UBN2: variants seen among roughly 807,000 people sequenced by gnomAD.
UBN2 encodes the protein ubinuclein 2.
A neutral mutation model predicts 120.2 loss-of-function variants in UBN2; 35 were observed. The ratio of observed to expected loss-of-function variants is 0.29; its 90% CI spans 0.22 to 0.39. UBN2 has a LOEUF of 0.39. Among genes scored for constraint, UBN2 ranks in the 10% least tolerant of loss-of-function variants. The probability of loss-of-function intolerance (pLI) is 1.00; values close to 1 mark genes in which losing one functional copy is unlikely to be tolerated. For missense variants in UBN2, 1,693 were observed against 1,663.2 expected, an observed-to-expected ratio of 1.02 and a Z score of -0.31; for synonymous variants, 661 against 648.7, an observed-to-expected ratio of 1.02 and a Z score of -0.29.
chr7:139,276,382 G>T, intron 12 of UBN2: 1 of 494,538 alleles, frequency 2.0e-6, no homozygotes. Flanking sequence ...TAGTAGGGAA[G>T]CATGAAGGCT....
At position 139,272,494 on chromosome 7, in the gene UBN2, T is replaced by TTATGTATGTATGTATG. The variant is rs142378700; in HGVS notation, c.1715+86_1715+101dup. ...TTTGCATTTGAGAAGTGTATGTACG[T>TTATGTATGTATGTATG]TATGTATGTATGTATGTATGTATGT... On this transcript the variant is annotated intron_variant, in intron 9 of 17. Coordinates refer to ENST00000473989, the MANE Select transcript of UBN2 (RefSeq NM_173569.4). The TTATGTATGTATGTATG allele has an allele frequency of 3.7e-3, 4,059 of 1,105,048 alleles. 64 individuals are homozygous for TTATGTATGTATGTATG. Among genetic ancestry groups the TTATGTATGTATGTATG allele is most frequent in the African/African-American group, 0.032 (1,743 of 54,632 alleles). 68.5% of individuals were successfully genotyped at this position (1,105,048 alleles called of 1,614,324 possible). A position where few individuals can be genotyped will look rare whatever the true frequency, so the allele number is the denominator to read the frequency against.
At chr7:139,285,258 G>A (rs1797750361) in intron 15 of UBN2, among the ~76,000 whole-genome samples, 1 of 152,076 alleles carries the variant, frequency 6.6e-6, no homozygotes, top group Non-Finnish European at 1.5e-5. Context: ...TGTAATACCA[G>A]CACTTTGGGA....
At chr7:139,318,005 A>G in the UBN2 span, among the ~76,000 whole-genome samples, 2 of 151,986 alleles carry the variant, frequency 1.3e-5, no homozygotes, top group Non-Finnish European at 2.9e-5. Flanking sequence ...TTTGTCACCA[A>G]CTTCATATCA....
intron 9 of UBN2, 63 bp from the exon 10 acceptor site, chr7:139,273,219 CAGCAAGTATTTATGG>C: frequency 1.2e-6 from 1 of 843,446 alleles, no homozygotes; most frequent in South Asian, 2.5e-5. Flanking sequence ...TTAAGCAATT[CAGCAAGTATTTATGG>C]AGCATATTAT....
downstream of UBN2, among the ~76,000 whole-genome samples, chr7:139,309,763 C>T (rs551091351): frequency 8.5e-5 from 13 of 152,210 alleles, no homozygotes; most frequent in Admixed American, 7.8e-4. Context: ...CCCAGCTATT[C>T]GGGAGGCTGA....
chr7:139,328,114 T>C, the UBN2 span, among the ~76,000 whole-genome samples: 3 of 152,216 alleles, frequency 2.0e-5, no homozygotes, highest in Non-Finnish European at 4.4e-5. Context: ...AGGGCTGTAT[T>C]AGTCTATTTT....
chr7:139,328,174 A>G, the UBN2 span, among the ~76,000 whole-genome samples: 1 of 152,244 alleles, frequency 6.6e-6, no homozygotes, highest in East Asian at 1.9e-4. Flanking sequence ...TAAAGAATAG[A>G]GCTTTAATTG....
chr7:139,294,942 A>G (rs921996926), intron 17 of UBN2, among the ~76,000 whole-genome samples: 4 of 152,260 alleles, frequency 2.6e-5, no homozygotes, highest in African/African-American at 9.6e-5. Flanking sequence ...GGCAATGTGC[A>G]TAACACACTG....
At chr7:139,292,276 G>A (rs953201644) in intron 15 of UBN2, among the ~76,000 whole-genome samples, 7 of 152,112 alleles carry the variant, frequency 4.6e-5, no homozygotes, top group African/African-American at 1.7e-4. Context: ...CGGAGTTTGG[G>A]CAGGGGGAAT....
intron 15 of UBN2, among the ~76,000 whole-genome samples, chr7:139,292,417 C>T (rs1797987999): frequency 1.3e-5 from 2 of 152,248 alleles, no homozygotes; most frequent in African/African-American, 2.4e-5. Context: ...GTAAACATGG[C>T]ATCAAAGCCC....
rs376191554 is a variant in UBN2 at position 139,284,364 on chromosome 7, A to C, written c.3459A>C (p.Ser1153=). ...CCCCCTCAAAGCTAACAAACTCATC[A>C]TCCACTGGAACTGTTGGGAAGAACA... ...LQAPSKLTNS[S]STGTVGKNSL... The change falls in exon 15 of 18, where the codon TCA becomes TCC. Residue 1153 remains serine (S), a synonymous_variant. Transcript: ENST00000473989. 2 of 1,614,028 alleles carry C rather than the reference A, an allele frequency of 1.2e-6. No homozygotes were observed. Among genetic ancestry groups the C allele is most frequent in the African/African-American group, 2.7e-5 (2 of 74,902 alleles).
chr7:139,256,597 T>C (rs1796773304), intron 3 of UBN2, among the ~76,000 whole-genome samples: 1 of 152,220 alleles, frequency 6.6e-6, no homozygotes, highest in Admixed American at 6.5e-5. Flanking sequence ...TTGAAAATTA[T>C]AAAGCATTGT....
chr7:139,258,319 T>C (rs1188174181), intron 3 of UBN2, among the ~76,000 whole-genome samples, 169 bp from the exon 4 acceptor site: 1 of 152,088 alleles, frequency 6.6e-6, no homozygotes, highest in Non-Finnish European at 1.5e-5. Context: ...GAACTAATTT[T>C]TATTTCAGAT....
intron 5 of UBN2, among the ~76,000 whole-genome samples, chr7:139,259,833 C>T (rs1425856204): frequency 3.3e-5 from 5 of 152,240 alleles, no homozygotes; most frequent in Non-Finnish European, 5.9e-5. Flanking sequence ...ACTGCAACTC[C>T]CATCTCCTGG....
intron 14 of UBN2, 71 bp downstream of exon 14, chr7:139,282,126 C>G: frequency 2.1e-6 from 3 of 1,404,650 alleles, no homozygotes; most frequent in Non-Finnish European, 3.0e-6. Flanking sequence ...GTTTAAGAAA[C>G]TAATTGAAGA....
At chr7:139,330,255 A>G in the UBN2 span, among the ~76,000 whole-genome samples, 11 of 152,340 alleles carry the variant, frequency 7.2e-5, no homozygotes, top group South Asian at 2.3e-3. Context: ...ACCAAACAAA[A>G]TCAGTTTTTT....
At chr7:139,236,444 G>A (rs1033604566) in intron 1 of UBN2, among the ~76,000 whole-genome samples, 3 of 152,238 alleles carry the variant, frequency 2.0e-5, no homozygotes, top group Non-Finnish European at 4.4e-5. Flanking sequence ...CTCACAGGCA[G>A]ATGGTTGAAG....
Position 139,293,454 on chromosome 7 carries a change from C to T in UBN2, c.3892C>T (p.Leu1298=), listed in dbSNP as rs1563228953. Residue 1298 remains leucine, a synonymous_variant, in exon 16 of 18, where the codon CTA becomes TTA. Transcript: ENST00000473989. The part of the protein sequence containing the change: ...GSTSAAFHHS[L]TQNLLKGLQP... ...TACCTCAGCCGCTTTCCACCATAGCCTAACTCAGAGTAAGTGGGGCTCTTC... is the reference window on the plus strand; with the variant it reads ...TACCTCAGCCGCTTTCCACCATAGCTTAACTCAGAGTAAGTGGGGCTCTTC... The T allele has an allele frequency of 1.2e-6, 2 of 1,614,106 alleles. No homozygotes were observed. The highest frequency in any genetic ancestry group is 4.5e-5 in the East Asian group (2 of 44,880).
At chr7:139,265,332 G>A (rs1797062973) in intron 6 of UBN2, among the ~76,000 whole-genome samples, 1 of 152,046 alleles carries the variant, frequency 6.6e-6, no homozygotes, top group South Asian at 2.1e-4. Flanking sequence ...CACAAAATTA[G>A]CCAGGCGTGG....
Sources: gnomAD v4.1 joint callset for allele counts (sites outside exome capture counted in the v4.1 genomes callset) on GRCh38, gnomAD v4.1.1 for gene constraint, MANE v1.5 for transcripts, NCBI Gene and HGNC (gene_info 2026-07-23, HGNC 2026-07-21) for gene names.